The following DLG2 variants were observed in gnomAD, a reference collection of about 807,000 sequenced individuals.
DLG2 encodes the protein discs large MAGUK scaffold protein 2.
A neutral mutation model predicts 132.5 loss-of-function variants in DLG2; 45 were observed. The observed-to-expected ratio is 0.34, with a 90% CI of 0.27 to 0.44. The LOEUF (loss-of-function observed/expected upper bound fraction) is 0.44. Among genes scored for constraint, DLG2 ranks in the 20% least tolerant of loss-of-function variants. DLG2 has a pLI of 1.00. For missense variants in DLG2, 1,045 were observed against 1,196.9 expected, an observed-to-expected ratio of 0.87 and a Z score of 1.87; for synonymous variants, 424 against 419.6, an observed-to-expected ratio of 1.01 and a Z score of -0.13.
chr11:84,035,528 G>T (rs879919987), intron 11 of DLG2, among the ~76,000 whole-genome samples: 22 of 152,166 alleles, frequency 1.4e-4, no homozygotes, highest in African/African-American at 4.3e-4. Flanking sequence ...TGAAACAGTT[G>T]TAAGAAAGCT....
intron 7 of DLG2, among the ~76,000 whole-genome samples, chr11:84,423,008 T>C (rs1309288216): frequency 6.6e-6 from 1 of 152,162 alleles, no homozygotes; most frequent in African/African-American, 2.4e-5. Flanking sequence ...TAAGTATTTC[T>C]GAAACATTCT....
intron 8 of DLG2, among the ~76,000 whole-genome samples, chr11:84,230,377 T>G (rs2097074487): frequency 1.3e-5 from 2 of 152,202 alleles, no homozygotes; most frequent in Admixed American, 1.3e-4. Flanking sequence ...GGGGCAATGT[T>G]GATCTTGTTT....
chr11:83,873,230 G>C (rs964439673), intron 16 of DLG2, among the ~76,000 whole-genome samples: 1 of 152,002 alleles, frequency 6.6e-6, no homozygotes, highest in Non-Finnish European at 1.5e-5. Flanking sequence ...CTGAGAATCA[G>C]TGTTCAGAAA....
chr11:85,263,377 C>A (rs78339818), intron 4 of DLG2, among the ~76,000 whole-genome samples: 3 of 152,158 alleles, frequency 2.0e-5, no homozygotes, highest in African/African-American at 7.2e-5. Context: ...TCCCCCAAAA[C>A]GCATGTGAGT....
intron 6 of DLG2, among the ~76,000 whole-genome samples, chr11:84,614,586 A>G (rs967274012): frequency 1.3e-5 from 2 of 152,218 alleles, no homozygotes; most frequent in African/African-American, 2.4e-5. Flanking sequence ...AGTGAACTGT[A>G]GTCAGGGAGA....
At position 83,732,103 on chromosome 11, in the gene DLG2, G is replaced by A. The variant is rs1472041988; in HGVS notation, c.1825+54587C>T. On this transcript the variant is annotated intron_variant, in intron 18 of 27. Transcript: ENST00000376104. ...AGAGACTGACTGAAATGTACTTACTGATTAATTTCGATCTAGTTAGTATGT... is the reference window on the plus strand; with the variant it reads ...AGAGACTGACTGAAATGTACTTACTAATTAATTTCGATCTAGTTAGTATGT... Among the ~76,000 whole-genome samples the A allele has an allele frequency of 2.6e-5, 4 of 152,086 alleles. No homozygotes were observed. In the East Asian group the frequency reaches 5.8e-4, roughly 22 times the overall value.
At chr11:83,599,934 A>G (rs535673307) in intron 19 of DLG2, among the ~76,000 whole-genome samples, 2 of 152,312 alleles carry the variant, frequency 1.3e-5, no homozygotes, top group Admixed American at 6.5e-5. Flanking sequence ...TATTTCTAGG[A>G]ACATTTATTT....
intron 8 of DLG2, among the ~76,000 whole-genome samples, chr11:84,167,584 A>G (rs2095698448): frequency 6.6e-6 from 1 of 152,180 alleles, no homozygotes; most frequent in Non-Finnish European, 1.5e-5. Flanking sequence ...ATCTTAAATA[A>G]TAATTTCTCT....
intron 6 of DLG2, among the ~76,000 whole-genome samples, chr11:84,544,494 T>C (rs1191232079): frequency 6.6e-6 from 1 of 152,162 alleles, no homozygotes; most frequent in African/African-American, 2.4e-5. Flanking sequence ...TCTAAAGTGC[T>C]AAATAAATAG....
intron 6 of DLG2, among the ~76,000 whole-genome samples, chr11:85,013,873 G>A (rs1240452566): frequency 6.6e-6 from 1 of 152,038 alleles, no homozygotes; most frequent in African/African-American, 2.4e-5. Flanking sequence ...TTTTTAAGGT[G>A]CATGCTATTA....
chr11:85,312,376 T>G (rs61909367), intron 3 of DLG2, among the ~76,000 whole-genome samples: 2,583 of 150,802 alleles, frequency 0.017, 36 homozygotes, highest in South Asian at 0.03. Flanking sequence ...TTTATTATAA[T>G]TTATAACCTT....
At chr11:83,897,855 G>A (rs1341036001) in intron 15 of DLG2, among the ~76,000 whole-genome samples, 1 of 152,088 alleles carries the variant, frequency 6.6e-6, no homozygotes, top group Non-Finnish European at 1.5e-5. Flanking sequence ...TATGTTGAAT[G>A]TGTTTTGTTA....
At chr11:84,140,536 C>A (rs71469628) in intron 9 of DLG2, among the ~76,000 whole-genome samples, 10,272 of 152,068 alleles carry the variant, frequency 0.068, 474 homozygotes, top group African/African-American at 0.12. Context: ...TTCACGAGTT[C>A]CAAAAATGCT....
At chr11:83,526,324 AT>A (rs2095608742) in intron 21 of DLG2, among the ~76,000 whole-genome samples, 1 of 152,168 alleles carries the variant, frequency 6.6e-6, no homozygotes, top group Non-Finnish European at 1.5e-5. Flanking sequence ...GAATACTGTA[AT>A]AGCTTTCTCA....
intron 7 of DLG2, among the ~76,000 whole-genome samples, chr11:84,434,934 A>G (rs1406832746): frequency 4.0e-5 from 6 of 151,430 alleles, no homozygotes; most frequent in East Asian, 1.9e-4. Flanking sequence ...AAAAAAAAAA[A>G]AAAGAAAAGC....
intron 6 of DLG2, among the ~76,000 whole-genome samples, chr11:84,921,051 G>T (rs1383458369): frequency 6.6e-6 from 1 of 151,968 alleles, no homozygotes; most frequent in Non-Finnish European, 1.5e-5. Context: ...AGTAGTTCTT[G>T]TAACAATAGA....
chr11:84,437,814 G>A (rs1188893675), intron 7 of DLG2: 1 of 152,482 alleles, frequency 6.6e-6, no homozygotes, highest in Non-Finnish European at 1.5e-5. Context: ...TGTGTCAGGA[G>A]GAAGGGAAGC....
In DLG2 at chr11:85,286,251, G is replaced by C. The variant is rs554131049; in HGVS notation, c.41-886C>G. ...GTATACTAAAATTGAACAATTAAGT[G>C]AATGGATGGTAGATGATGGGAGCCA... On this transcript the variant is annotated intron_variant, in intron 3 of 27. Coordinates refer to ENST00000376104, the MANE Select transcript of DLG2 (RefSeq NM_001142699.3). 3.3e-4 allele frequency: 93 copies of C among 283,804 alleles called. 1 individual carries two copies. The highest frequency in any genetic ancestry group is 1.4e-3 in the Admixed American group (27 of 18,792). 17.6% of individuals were successfully genotyped at this position (283,804 alleles called of 1,614,324 possible).
intron 6 of DLG2, among the ~76,000 whole-genome samples, chr11:84,730,278 T>C (rs1351544713): frequency 6.6e-6 from 1 of 151,846 alleles, no homozygotes; most frequent in Non-Finnish European, 1.5e-5. Flanking sequence ...GGGGAGGAGG[T>C]TGTTGAGTAA....
Sources: gnomAD v4.1 joint callset for allele counts (sites outside exome capture counted in the v4.1 genomes callset) on GRCh38, gnomAD v4.1.1 for gene constraint, MANE v1.5 for transcripts, NCBI Gene and HGNC (gene_info 2026-07-23, HGNC 2026-07-21) for gene names.